Variants in PUDP observed in about 807,000 individuals in gnomAD.
PUDP encodes pseudouridine-5'-phosphatase.
Under a neutral mutation model 9.4 loss-of-function variants are expected in PUDP, and 8 were observed. That is an observed-to-expected ratio of 0.85 (90% confidence interval 0.50 to 1.53). The LOEUF is 1.53. PUDP is among the 40% of genes most tolerant of loss of function. The pLI is 0.00. For missense variants in PUDP, 188 were observed against 189.7 expected (o/e 0.99, Z 0.05); for synonymous variants, 99 against 80.7 (o/e 1.23, Z -1.22).
intron 3 of PUDP, among the ~76,000 whole-genome samples, chrX:6,842,732 C>A (rs976529586): frequency 9.0e-6 from 1 of 111,689 alleles, no homozygotes; most frequent in African/African-American, 3.3e-5. Context: ...AACAAAAGTA[C>A]CAAACACTGG....
At chrX:6,975,670 C>A (rs887409392) in intron 3 of PUDP, among the ~76,000 whole-genome samples, 3 of 111,619 alleles carry the variant, frequency 2.7e-5, no homozygotes, top group Non-Finnish European at 3.8e-5. Flanking sequence ...GAGGTGTCTC[C>A]CAGTCAGGAG....
intron 3 of PUDP, among the ~76,000 whole-genome samples, chrX:7,075,321 A>G (rs1368674293): frequency 9.0e-6 from 1 of 111,724 alleles, no homozygotes; most frequent in African/African-American, 3.3e-5. Context: ...CCTGGCCAAC[A>G]TGATGAGACC....
chrX:7,028,542 G>A (rs759346825), intron 1 of PUDP, among the ~76,000 whole-genome samples: 1 of 111,163 alleles, frequency 9.0e-6, no homozygotes, highest in East Asian at 2.8e-4. Flanking sequence ...GGGAAAAACT[G>A]GGTCAGGCTT....
intron 1 of PUDP, among the ~76,000 whole-genome samples, chrX:6,984,352 G>T (rs1929076907): frequency 8.9e-6 from 1 of 112,040 alleles, no homozygotes; most frequent in Non-Finnish European, 1.9e-5. Context: ...GCCCAAACCT[G>T]TGAATATACT....
intron 2 of PUDP, among the ~76,000 whole-genome samples, chrX:7,103,686 G>C (rs190037358): frequency 1.8e-5 from 2 of 112,001 alleles, no homozygotes; most frequent in East Asian, 5.6e-4. Context: ...AAATACATAA[G>C]GAACTCCTAC....
chrX:6,716,072 C>T (rs970442826), intron 1 of PUDP, among the ~76,000 whole-genome samples: 3 of 109,743 alleles, frequency 2.7e-5, no homozygotes, highest in Admixed American at 9.9e-5. Flanking sequence ...CTTAGAGGTT[C>T]TTCCAAAATG....
intron 1 of PUDP, among the ~76,000 whole-genome samples, chrX:7,019,541 T>C (rs1929600147): frequency 9.0e-6 from 1 of 111,499 alleles, no homozygotes; most frequent in Admixed American, 9.5e-5. Context: ...GTCTGACATC[T>C]TTAAAGGTCT....
intron 3 of PUDP, among the ~76,000 whole-genome samples, chrX:6,752,408 G>A (rs1048355799): frequency 1.8e-5 from 2 of 111,586 alleles, no homozygotes; most frequent in Non-Finnish European, 3.8e-5. Flanking sequence ...CTGAAGGTAG[G>A]GGCCATGAAA....
intron 1 of PUDP, among the ~76,000 whole-genome samples, chrX:7,135,351 T>C (rs1932716621): frequency 8.9e-6 from 1 of 112,257 alleles, no homozygotes; most frequent in Non-Finnish European, 1.9e-5. Context: ...ATTCCTTTTA[T>C]AAGCATCATG....
chrX:6,840,311 C>T (rs1309438633), intron 3 of PUDP, among the ~76,000 whole-genome samples: 1 of 112,068 alleles, frequency 8.9e-6, no homozygotes, highest in Non-Finnish European at 1.9e-5. Flanking sequence ...TATAAATTAC[C>T]CAGTCTCTGG....
At chrX:7,024,744 G>T (rs1419934227) in intron 1 of PUDP, among the ~76,000 whole-genome samples, 2 of 42,791 alleles carry the variant, frequency 4.7e-5, no homozygotes, top group African/African-American at 9.2e-5. Context: ...TCGCCACCTC[G>T]CCCGGCTAAC....
At chrX:7,103,554 G>A (rs943144546) in intron 2 of PUDP, among the ~76,000 whole-genome samples, 6 of 112,179 alleles carry the variant, frequency 5.3e-5, no homozygotes, top group Non-Finnish European at 1.1e-4. Flanking sequence ...TTAGACAAAT[G>A]AGATGACATA....
intron 3 of PUDP, among the ~76,000 whole-genome samples, chrX:6,906,906 C>G (rs1448985140): frequency 2.7e-5 from 3 of 111,322 alleles, no homozygotes; most frequent in East Asian, 5.7e-4. Context: ...TCTTGGCTTC[C>G]CCTGAGGCAC....
At chrX:7,062,891 T>TC (rs1930445465) in intron 3 of PUDP, among the ~76,000 whole-genome samples, 1 of 104,895 alleles carries the variant, frequency 9.5e-6, no homozygotes, top group African/African-American at 3.5e-5. Flanking sequence ...TGCTTAATTT[T>TC]TTTTTTTTTT....
chrX:6,841,914 G>A (rs772542215), intron 3 of PUDP, among the ~76,000 whole-genome samples: 1 of 110,816 alleles, frequency 9.0e-6, no homozygotes, highest in Non-Finnish European at 1.9e-5. Flanking sequence ...TGTGTGGGGG[G>A]GGTTATGTGT....
chrX:6,973,714 A>G (rs1398368348), intron 3 of PUDP, among the ~76,000 whole-genome samples: 5 of 111,716 alleles, frequency 4.5e-5, no homozygotes, highest in African/African-American at 1.6e-4. Context: ...GTAGATGTCT[A>G]TCAGGTCTGC....
At chrX:6,967,992 A>G (rs1400770899) in intron 3 of PUDP, among the ~76,000 whole-genome samples, 1 of 112,247 alleles carries the variant, frequency 8.9e-6, no homozygotes, top group Admixed American at 9.4e-5. Context: ...CACTCAGTCC[A>G]TTAGCTTTAG....
At chrX:6,781,314 A>G (rs1925558143) in intron 3 of PUDP, among the ~76,000 whole-genome samples, 1 of 111,713 alleles carries the variant, frequency 9.0e-6, no homozygotes, top group Non-Finnish European at 1.9e-5. Flanking sequence ...TTCATTCTCA[A>G]GGGATACGCA....
At chrX:6,950,675 G>T (rs1446057320) in intron 3 of PUDP, among the ~76,000 whole-genome samples, 1 of 110,538 alleles carries the variant, frequency 9.0e-6, no homozygotes, top group Non-Finnish European at 1.9e-5. Context: ...CTCCCATAGT[G>T]CTGGGATTAC....
Sources: gnomAD v4.1 joint callset for allele counts (sites outside exome capture counted in the v4.1 genomes callset) on GRCh38, gnomAD v4.1.1 for gene constraint, MANE v1.5 for transcripts, NCBI Gene and HGNC (gene_info 2026-07-23, HGNC 2026-07-21) for gene names.